Variants in CES5A observed in about 807,000 individuals in gnomAD.
The protein encoded by CES5A is carboxylesterase 5A.
A neutral mutation model predicts 62.9 loss-of-function variants in CES5A; 67 were observed. The ratio of observed to expected loss-of-function variants is 1.07; its 90% CI spans 0.88 to 1.31. CES5A has a LOEUF of 1.31. CES5A is among the 50% of genes most tolerant of loss of function. The pLI is 0.00. For synonymous variants in CES5A, 296 were observed against 280.8 expected, an observed-to-expected ratio of 1.05 and a Z score of -0.54; for missense variants, 748 against 708.5, an observed-to-expected ratio of 1.06 and a Z score of -0.63.
At chr16:55,921,261 T>A (rs942792894) in intron 1 of CES5A, among the ~76,000 whole-genome samples, 2 of 151,914 alleles carry the variant, frequency 1.3e-5, no homozygotes, top group Admixed American at 1.3e-4. Context: ...TATAGGAAGA[T>A]CAGAGAATTC....
intron 1 of CES5A, among the ~76,000 whole-genome samples, chr16:55,887,406 T>C (rs1313426353): frequency 1.3e-5 from 2 of 149,970 alleles, no homozygotes; most frequent in Non-Finnish European, 3.0e-5. Context: ...AAAAAGTTAC[T>C]ACACTGATTA....
intron 2 of CES5A, among the ~76,000 whole-genome samples, chr16:55,946,752 G>A (rs1307769672): frequency 1.3e-5 from 2 of 152,196 alleles, no homozygotes; most frequent in African/African-American, 4.8e-5. Context: ...ATACATATGT[G>A]GGTTAACGGG....
At chr16:55,929,965 C>G (rs961640210), upstream of CES5A, among the ~76,000 whole-genome samples, 12 of 150,834 alleles carry the variant, frequency 8.0e-5, no homozygotes, top group African/African-American at 2.7e-4. Flanking sequence ...GCCCCCTCAC[C>G]ACCTTCCTTG....
rs553304557 is a variant in CES5A at position 55,911,207 on chromosome 16, CTG to C, written c.-256+14114_-256+14115del. Among the ~76,000 whole-genome samples, 15 of 152,276 alleles carry C rather than the reference CTG, an allele frequency of 9.9e-5. No individual in the cohort carries two copies. The South Asian group carries it at 3.1e-3, about 32-fold the overall frequency. On this transcript the variant is annotated intron_variant, in intron 1 of 12. Transcript: ENST00000518005. ...TGTCCTCCTTCTCTGCATGGTGAAA[CTG>C]TGTCCCAGGTATATCTGTGCTCCCG...
intron 8 of CES5A, among the ~76,000 whole-genome samples, chr16:55,858,524 G>A (rs1479308183): frequency 1.4e-4 from 22 of 152,164 alleles, no homozygotes; most frequent in South Asian, 2.1e-4. Flanking sequence ...CAGTGGCCTC[G>A]TCTGCAACAT....
chr16:55,921,824 T>C (rs1023422777), intron 1 of CES5A, among the ~76,000 whole-genome samples: 2 of 151,942 alleles, frequency 1.3e-5, no homozygotes, highest in South Asian at 4.2e-4. Flanking sequence ...AGCAAACTGT[T>C]AAGAAATGGG....
chr16:55,869,813 C>T, intron 3 of CES5A, 69 bp from the exon 4 acceptor site: 3 of 1,521,914 alleles, frequency 2.0e-6, no homozygotes, highest in Middle Eastern at 1.7e-4. Flanking sequence ...CAGTTTGAGG[C>T]ACACGTTCTT....
intron 2 of CES5A, among the ~76,000 whole-genome samples, chr16:55,942,003 A>T (rs551273216): frequency 1.3e-5 from 2 of 152,324 alleles, no homozygotes; most frequent in South Asian, 4.1e-4. Flanking sequence ...AATGTTTTTA[A>T]CAGAAGCGCT....
At chr16:55,857,334 T>C (rs9933239) in intron 8 of CES5A, among the ~76,000 whole-genome samples, 122,861 of 152,154 alleles carry the variant, frequency 0.81, 49,689 homozygotes, top group East Asian at 0.91. Context: ...ATGTAGTAAG[T>C]GCTTCCTGTG....
intron 1 of CES5A, among the ~76,000 whole-genome samples, chr16:55,918,704 G>A (rs1248090259): frequency 2.0e-5 from 3 of 152,180 alleles, no homozygotes; most frequent in Admixed American, 6.5e-5. Context: ...ATGGTAAGAA[G>A]GGGATCTGAA....
At chr16:55,951,792 C>A (rs2034560562) in intron 1 of CES5A, among the ~76,000 whole-genome samples, 1 of 152,136 alleles carries the variant, frequency 6.6e-6, no homozygotes. Flanking sequence ...AGCTTCAATA[C>A]AGAAAGCAAA....
intron 8 of CES5A, among the ~76,000 whole-genome samples, chr16:55,859,196 T>C (rs1379133725): frequency 6.6e-6 from 1 of 152,280 alleles, no homozygotes; most frequent in East Asian, 1.9e-4. Flanking sequence ...ACTGAAGTTT[T>C]TCAAACCTAT....
intron 9 of CES5A, among the ~76,000 whole-genome samples, chr16:55,855,216 T>C (rs1221794420): frequency 6.6e-6 from 1 of 152,220 alleles, no homozygotes; most frequent in Non-Finnish European, 1.5e-5. Flanking sequence ...TGCAGGGGCA[T>C]GTGGACTCTC....
chr16:55,882,481 C>T (rs544435840), intron 1 of CES5A, among the ~76,000 whole-genome samples: 2 of 152,216 alleles, frequency 1.3e-5, no homozygotes, highest in Non-Finnish European at 2.9e-5. Flanking sequence ...CTATCCCTGA[C>T]GTTTCCACCG....
chr16:55,927,704 C>T (rs1440658012), upstream of CES5A, among the ~76,000 whole-genome samples: 1 of 152,120 alleles, frequency 6.6e-6, no homozygotes, highest in African/African-American at 2.4e-5. Context: ...TTATGGAAAA[C>T]AGTATGGAGC....
intron 1 of CES5A, among the ~76,000 whole-genome samples, chr16:55,899,816 A>G (rs1018089281): frequency 1.3e-5 from 2 of 152,196 alleles, no homozygotes; most frequent in Non-Finnish European, 1.5e-5. Flanking sequence ...CACAAGCTCA[A>G]TAGTGCTAAG....
chr16:55,953,898 A>G (rs1205810073), intron 1 of CES5A, among the ~76,000 whole-genome samples: 6 of 152,176 alleles, frequency 3.9e-5, no homozygotes, highest in Non-Finnish European at 8.8e-5. Context: ...AAACATTCCA[A>G]TTCCACTATT....
intron 4 of CES5A, among the ~76,000 whole-genome samples, chr16:55,867,093 G>A (rs544249308): frequency 3.9e-5 from 6 of 152,272 alleles, no homozygotes; most frequent in Admixed American, 2.6e-4. Flanking sequence ...GTGGGCTAGA[G>A]AGAGACTGCG....
At chr16:55,955,405 C>T (rs1355295206) in intron 1 of CES5A, among the ~76,000 whole-genome samples, 1 of 152,140 alleles carries the variant, frequency 6.6e-6, no homozygotes, top group Non-Finnish European at 1.5e-5. Flanking sequence ...TTCTTTCCTC[C>T]TTGTTTAACT....
Sources: gnomAD v4.1 joint callset for allele counts (sites outside exome capture counted in the v4.1 genomes callset) on GRCh38, gnomAD v4.1.1 for gene constraint, MANE v1.5 for transcripts, NCBI Gene and HGNC (gene_info 2026-07-23, HGNC 2026-07-21) for gene names.